Variants in LRP1B observed in about 807,000 individuals in gnomAD.
LRP1B encodes the protein low-density lipoprotein receptor-related protein 1B.
Under a neutral mutation model 556.6 loss-of-function variants are expected in LRP1B, and 217 were observed. That is an observed-to-expected ratio of 0.39 (90% confidence interval 0.35 to 0.44). The LOEUF is 0.44. Ranked by LOEUF, LRP1B falls within the 20% of genes least tolerant of loss-of-function variation. The probability of loss-of-function intolerance (pLI) is 1.00; values close to 1 mark genes in which losing one functional copy is unlikely to be tolerated. For synonymous variants in LRP1B, 2,047 were observed against 1,865.8 expected, an observed-to-expected ratio of 1.10 and a Z score of -2.50; for missense variants, 5,053 against 5,620.8, an observed-to-expected ratio of 0.90 and a Z score of 3.23.
chr2:141,471,383 CTGAG>C lies in LRP1B; in HGVS notation c.343+9009_343+9012del, dbSNP rs375261914. Among the ~76,000 whole-genome samples, 579 of 150,596 alleles carry C rather than the reference CTGAG, an allele frequency of 3.8e-3. 9 individuals carry two copies. Among genetic ancestry groups the C allele is most frequent in the African/African-American group, 0.013 (514 of 40,810 alleles). On this transcript the variant is annotated intron_variant, in intron 3 of 90. Transcript: ENST00000389484. ...TAATGTAACTCCTCTTGGTCTATTCCTGAGTATTTTTTCAGGTTCAAACTCCTCT... is the reference window on the plus strand; with the variant it reads ...TAATGTAACTCCTCTTGGTCTATTCCTATTTTTTCAGGTTCAAACTCCTCT...
intron 1 of LRP1B, among the ~76,000 whole-genome samples, chr2:142,059,173 G>A (rs1457802891): frequency 1.3e-5 from 2 of 152,066 alleles, no homozygotes; most frequent in African/African-American, 2.4e-5. Context: ...TTGTGAATGG[G>A]CACAAGGTTT....
intron 7 of LRP1B, among the ~76,000 whole-genome samples, chr2:141,166,860 C>A (rs184820514): frequency 7.0e-6 from 1 of 142,476 alleles, no homozygotes; most frequent in East Asian, 2.0e-4. Context: ...GATTTAATAA[C>A]TGGAAAACAA....
chr2:140,826,920 T>C (rs927757867), intron 31 of LRP1B, among the ~76,000 whole-genome samples: 4 of 151,990 alleles, frequency 2.6e-5, no homozygotes, highest in African/African-American at 7.3e-5. Context: ...CAACACACCA[T>C]AGGAGGCAAT....
chr2:140,630,899 C>A (rs1683857774), intron 41 of LRP1B, among the ~76,000 whole-genome samples: 1 of 152,150 alleles, frequency 6.6e-6, no homozygotes, highest in Admixed American at 6.5e-5. Context: ...GGGACAGAAG[C>A]CCACTGATAA....
chr2:140,871,428 A>G (rs982611816), intron 25 of LRP1B, among the ~76,000 whole-genome samples: 4 of 152,094 alleles, frequency 2.6e-5, no homozygotes. Flanking sequence ...GGAGAGAAAA[A>G]GGGATAGAGA....
chr2:141,633,291 T>C (rs1413736639), intron 2 of LRP1B, among the ~76,000 whole-genome samples: 1 of 152,154 alleles, frequency 6.6e-6, no homozygotes, highest in African/African-American at 2.4e-5. Flanking sequence ...TTCACATCCA[T>C]GTCATCAAAA....
At chr2:141,901,294 C>G (rs1699611856) in intron 1 of LRP1B, among the ~76,000 whole-genome samples, 1 of 151,886 alleles carries the variant, frequency 6.6e-6, no homozygotes, top group Non-Finnish European at 1.5e-5. Flanking sequence ...ATGGAGGAAA[C>G]TAACCGTTTG....
chr2:141,197,146 A>C (rs1423139838), intron 6 of LRP1B, among the ~76,000 whole-genome samples: 3 of 152,142 alleles, frequency 2.0e-5, no homozygotes, highest in African/African-American at 7.2e-5. Context: ...AGTCTCAGGT[A>C]TATCTTTATT....
rs191603696 is a variant in LRP1B, at chr2:141,816,221, C to T, written c.83-5820G>A. Among the ~76,000 whole-genome samples the T allele has an allele frequency of 2.9e-3, 441 of 152,174 alleles. 2 individuals are homozygous for T. Among genetic ancestry groups the T allele is most frequent in the African/African-American group, 0.01 (417 of 41,520 alleles). On this transcript the variant is annotated intron_variant, in intron 1 of 90. Coordinates refer to ENST00000389484, the MANE Select transcript of LRP1B (RefSeq NM_018557.3). The stretch of plus-strand genomic sequence containing the variant: ...GTCAACTTGATTGCATTGAAGGATG[C>T]AAAGTATTGTTCCTGGGTGTGTCTG...
At chr2:141,389,182 A>G (rs1379887231) in intron 3 of LRP1B, among the ~76,000 whole-genome samples, 1 of 152,246 alleles carries the variant, frequency 6.6e-6, no homozygotes, top group Non-Finnish European at 1.5e-5. Flanking sequence ...AAGAACCTAG[A>G]ATAAGAACAA....
intron 41 of LRP1B, among the ~76,000 whole-genome samples, chr2:140,682,137 T>C (rs111707878): frequency 0.049 from 7,435 of 152,276 alleles, 277 homozygotes; most frequent in Middle Eastern, 0.099. Flanking sequence ...TTCATCCTTA[T>C]GGTTATTTGT....
intron 66 of LRP1B, among the ~76,000 whole-genome samples, chr2:140,433,341 G>T (rs1573933664): frequency 6.6e-6 from 1 of 152,118 alleles, no homozygotes; most frequent in Admixed American, 6.5e-5. Flanking sequence ...CAGGTGATCT[G>T]CCCGCCTCAG....
At chr2:141,760,597 C>A (rs1209575160) in intron 2 of LRP1B, among the ~76,000 whole-genome samples, 1 of 152,146 alleles carries the variant, frequency 6.6e-6, no homozygotes, top group Non-Finnish European at 1.5e-5. Context: ...GTATATTTTA[C>A]TGGACTATAC....
At chr2:140,435,872 C>CAGAT (rs1686155323) in intron 66 of LRP1B, among the ~76,000 whole-genome samples, 1 of 152,100 alleles carries the variant, frequency 6.6e-6, no homozygotes, top group African/African-American at 2.4e-5. Context: ...CCCATTCATA[C>CAGAT]AGATAGGCTC....
intron 2 of LRP1B, among the ~76,000 whole-genome samples, chr2:141,741,490 A>AT (rs1693704743): frequency 7.1e-6 from 1 of 140,284 alleles, no homozygotes; most frequent in African/African-American, 2.6e-5. Flanking sequence ...CATAAAATGC[A>AT]TTTTAACTGG....
At chr2:141,338,191 C>G (rs1327710259) in intron 3 of LRP1B, among the ~76,000 whole-genome samples, 1 of 152,126 alleles carries the variant, frequency 6.6e-6, no homozygotes, top group Non-Finnish European at 1.5e-5. Flanking sequence ...AAATATAACC[C>G]AACCTCTTGG....
At chr2:141,079,722 A>C (rs1260096147) in intron 7 of LRP1B, among the ~76,000 whole-genome samples, 1 of 152,176 alleles carries the variant, frequency 6.6e-6, no homozygotes, top group Non-Finnish European at 1.5e-5. Flanking sequence ...ATGTTAGTGC[A>C]CTGGATTCAG....
intron 7 of LRP1B, among the ~76,000 whole-genome samples, chr2:141,079,119 C>G (rs1053636119): frequency 6.6e-6 from 1 of 151,936 alleles, no homozygotes; most frequent in Non-Finnish European, 1.5e-5. Flanking sequence ...ATAGTTCTAT[C>G]TTTACACTGA....
At chr2:141,427,910 A>C (rs933828775) in intron 3 of LRP1B, among the ~76,000 whole-genome samples, 2 of 152,194 alleles carry the variant, frequency 1.3e-5, no homozygotes, top group Non-Finnish European at 2.9e-5. Flanking sequence ...CGTCATGTGG[A>C]TACAAAAGGG....
Sources: allele counts gnomAD v4.1 joint callset (sites outside exome capture counted in the v4.1 genomes callset), GRCh38; gene constraint gnomAD v4.1.1; transcripts MANE v1.5; gene names NCBI Gene and HGNC (gene_info 2026-07-23, HGNC 2026-07-21).